The following RIC1 variants were observed in gnomAD, a reference collection of about 807,000 sequenced individuals.
RIC1 encodes the protein RIC1 partner of RAB6A GEF complex, also known as guanine nucleotide exchange factor subunit RIC1.
A neutral mutation model predicts 169.0 loss-of-function variants in RIC1; 88 were observed. The ratio of observed to expected loss-of-function variants is 0.52; its 90% CI spans 0.44 to 0.62. The LOEUF (loss-of-function observed/expected upper bound fraction) is 0.62, where lower values mean the gene tolerates loss of function less well. Ranked by LOEUF, RIC1 falls within the 20% of genes least tolerant of loss-of-function variation. The pLI is 0.00. For synonymous variants in RIC1, 790 were observed against 601.5 expected (o/e 1.31, Z -4.59); for missense variants, 1,877 against 1,725.5 (o/e 1.09, Z -1.56).
chr9:5,765,632 A>G, intron 20 of RIC1, 30 bp from the exon 21 acceptor site: 1 of 1,614,092 alleles, frequency 6.2e-7, no homozygotes. Context: ...ATCTTTCTCT[A>G]ATGGTACTGC....
chr9:5,695,988 T>G (rs1821880098), intron 3 of RIC1, among the ~76,000 whole-genome samples: 1 of 152,226 alleles, frequency 6.6e-6, no homozygotes, highest in East Asian at 1.9e-4. Flanking sequence ...TTTTGTACGT[T>G]GTATGAGGTA....
At chr9:5,649,698 TG>T in intron 1 of RIC1, among the ~76,000 whole-genome samples, 1 of 151,964 alleles carries the variant, frequency 6.6e-6, no homozygotes, top group East Asian at 1.9e-4. Flanking sequence ...AATCTGTTGC[TG>T]GGGAATTATT....
Position 5,753,052 on chromosome 9 carries a change from C to G in RIC1, c.1453-148C>G, listed in dbSNP as rs890052883. The G allele has an allele frequency of 8.7e-5, 56 of 645,096 alleles. No individual in the cohort carries two copies. The Admixed American group carries it at 1.2e-3, about 14-fold the overall frequency. The allele number at this position is 645,096 out of a possible 1,614,324, so 40.0% of individuals were successfully genotyped here. A position where few individuals can be genotyped will look rare whatever the true frequency, so the allele number is the denominator to read the frequency against. ...AAGATGTAAAACATTGATTCATATA[C>G]AAATGGTAAATTCCAAGTGCTCTGC... On this transcript the variant is annotated intron_variant, in intron 12 of 25. Coordinates refer to ENST00000414202, the MANE Select transcript of RIC1 (RefSeq NM_020829.4).
At chr9:5,732,266 C>T (rs1403569861) in intron 6 of RIC1, 122 bp from the exon 7 acceptor site, 2 of 722,710 alleles carry the variant, frequency 2.8e-6, no homozygotes, top group African/African-American at 1.8e-5. Flanking sequence ...GGGATATTTT[C>T]CTCTGCAGAT....
Position 5,772,589 on chromosome 9 carries a change from C to T in RIC1, c.3642C>T (p.Ala1214=). The T allele has an allele frequency of 6.2e-7, 1 of 1,612,788 alleles. No individual in the cohort carries two copies. The highest frequency in any genetic ancestry group is 8.5e-7 in the Non-Finnish European group (1 of 1,179,508). ...GTGATGAATGCAGTATTGGTTCAGC[C>T]ACAGACTTGACTGAAAGTAGCTCCA... ...NKGDECSIGS[A]TDLTESSSMV... The change falls in exon 24 of 26, where the codon GCC becomes GCT. Residue 1214 remains alanine, a synonymous_variant. Coordinates refer to ENST00000414202, the MANE Select transcript of RIC1 (RefSeq NM_020829.4).
chr9:5,724,796 C>A (rs975757607), intron 6 of RIC1, among the ~76,000 whole-genome samples: 2 of 152,144 alleles, frequency 1.3e-5, no homozygotes, highest in Non-Finnish European at 2.9e-5. Flanking sequence ...AAGGCCTTTT[C>A]TGCATCTATT....
intron 3 of RIC1, among the ~76,000 whole-genome samples, chr9:5,693,710 T>G (rs945178890): frequency 6.6e-6 from 1 of 152,142 alleles, no homozygotes; most frequent in African/African-American, 2.4e-5. Context: ...TATGCTTATG[T>G]TTAAATAGAA....
intron 1 of RIC1, among the ~76,000 whole-genome samples, chr9:5,637,787 G>A (rs139741268): frequency 1.7e-4 from 26 of 152,190 alleles, no homozygotes; most frequent in Non-Finnish European, 2.9e-4. Context: ...GTAAATGACC[G>A]GATCTCATTT....
In RIC1 at chr9:5,756,305, G is replaced by A. The variant is rs180879540; in HGVS notation, c.1786G>A (p.Asp596Asn). The A allele has an allele frequency of 1.3e-6, 2 of 1,599,678 alleles. No homozygotes were observed. The highest frequency in any genetic ancestry group is 2.3e-5 in the East Asian group (1 of 44,420). Residue 596 changes from aspartate (D) to asparagine (N), a missense_variant, in exon 16 of 26, where the codon GAC (aspartate) becomes AAC (asparagine). Physicochemically the swap from Asp to Asn is conservative, Grantham distance 23. Coordinates refer to ENST00000414202, the MANE Select transcript of RIC1 (RefSeq NM_020829.4). ...AETLLLSVFQDMVIVFRADCS... is the reference protein window; with the variant it reads ...AETLLLSVFQNMVIVFRADCS... ...AACATTACTGCTTAGTGTCTTCCAG[G>A]ACATGGTAATAGTATTTAGAGCAGA...
At chr9:5,642,963 C>G (rs1438642740) in intron 1 of RIC1, among the ~76,000 whole-genome samples, 2 of 151,980 alleles carry the variant, frequency 1.3e-5, no homozygotes, top group African/African-American at 4.8e-5. Context: ...AAATCTAGTA[C>G]CATTTTTATG....
chr9:5,705,365 C>G (rs780286958), intron 3 of RIC1, among the ~76,000 whole-genome samples: 5 of 152,184 alleles, frequency 3.3e-5, no homozygotes, highest in Non-Finnish European at 7.4e-5. Flanking sequence ...ACAACTCTTA[C>G]TCATCCTTGG....
intron 2 of RIC1, among the ~76,000 whole-genome samples, chr9:5,658,599 C>G (rs188077393): frequency 6.6e-6 from 1 of 151,748 alleles, no homozygotes; most frequent in African/African-American, 2.4e-5. Context: ...CAGTACAACC[C>G]GAAGTAGAAT....
chr9:5,668,357 C>T (rs1334360349), intron 2 of RIC1, among the ~76,000 whole-genome samples: 2 of 152,164 alleles, frequency 1.3e-5, no homozygotes, highest in Non-Finnish European at 2.9e-5. Context: ...TTTCAAAATT[C>T]TGTCTTTTGG....
At chr9:5,633,617 A>G (rs1249339371) in intron 1 of RIC1, among the ~76,000 whole-genome samples, 2 of 152,098 alleles carry the variant, frequency 1.3e-5, no homozygotes, top group Non-Finnish European at 2.9e-5. Flanking sequence ...AAAATTGTAT[A>G]TATTTAAGGT....
chr9:5,645,972 T>C (rs1818489791), intron 1 of RIC1, among the ~76,000 whole-genome samples: 1 of 151,910 alleles, frequency 6.6e-6, no homozygotes, highest in Non-Finnish European at 1.5e-5. Flanking sequence ...TTGAGAAATT[T>C]TGCTTTTTTT....
chr9:5,662,466 G>GT (rs1819511601), intron 2 of RIC1, among the ~76,000 whole-genome samples: 1 of 131,528 alleles, frequency 7.6e-6, no homozygotes, highest in Non-Finnish European at 1.7e-5. Flanking sequence ...GTCCTGGGCT[G>GT]GTTTTTTTTT....
intron 1 of RIC1, among the ~76,000 whole-genome samples, chr9:5,635,808 G>C (rs577535906): frequency 2.0e-5 from 3 of 152,152 alleles, no homozygotes; most frequent in Non-Finnish European, 4.4e-5. Context: ...TACACGCTCT[G>C]TCTCTCTCTT....
intron 4 of RIC1, among the ~76,000 whole-genome samples, chr9:5,718,139 CAAAAAA>C (rs35477806): frequency 5.0e-3 from 140 of 28,070 alleles, no homozygotes; most frequent in African/African-American, 0.015. Flanking sequence ...GACTCCGTCT[CAAAAAA>C]AAAAAAAAAA....
chr9:5,771,138 T>A (rs1043151700), intron 23 of RIC1, among the ~76,000 whole-genome samples: 1 of 152,190 alleles, frequency 6.6e-6, no homozygotes, highest in Admixed American at 6.5e-5. Flanking sequence ...TATGCCCACA[T>A]TGTTCTGCAA....
Sources: gnomAD v4.1 joint callset for allele counts (sites outside exome capture counted in the v4.1 genomes callset) on GRCh38, gnomAD v4.1.1 for gene constraint, MANE v1.5 for transcripts, NCBI Gene and HGNC (gene_info 2026-07-23, HGNC 2026-07-21) for gene names.